Variants in ANO4 observed in about 807,000 individuals in gnomAD.
ANO4 encodes the protein anoctamin 4, also known as anoctamin-4.
A neutral mutation model predicts 141.9 loss-of-function variants in ANO4; 69 were observed. The observed-to-expected ratio is 0.49, with a 90% confidence interval of 0.40 to 0.59. The LOEUF (loss-of-function observed/expected upper bound fraction) is 0.59, where lower values mean the gene tolerates loss of function less well. Among genes scored for constraint, ANO4 ranks in the 20% least tolerant of loss-of-function variants. ANO4 has a pLI of 0.00. For synonymous variants in ANO4, 350 were observed against 394.3 expected, an observed-to-expected ratio of 0.89 and a Z score of 1.33; for missense variants, 894 against 1,162.2, an observed-to-expected ratio of 0.77 and a Z score of 3.36.
At chr12:100,778,038 G>C (rs2135571991) in intron 3 of ANO4, among the ~76,000 whole-genome samples, 1 of 151,302 alleles carries the variant, frequency 6.6e-6, no homozygotes, top group East Asian at 2.0e-4. Flanking sequence ...TCCTGCCTCA[G>C]CCTCCCGAGT....
intron 15 of ANO4, among the ~76,000 whole-genome samples, chr12:101,082,319 C>G (rs1031241786): frequency 2.6e-5 from 4 of 152,152 alleles, no homozygotes; most frequent in African/African-American, 9.7e-5. Context: ...TGAGGCCTCC[C>G]CAGCCATGTG....
intron 3 of ANO4, among the ~76,000 whole-genome samples, chr12:100,761,393 A>G (rs954251553): frequency 2.0e-5 from 3 of 152,214 alleles, no homozygotes; most frequent in African/African-American, 7.2e-5. Flanking sequence ...ATAACAAAAG[A>G]ATACAAAATG....
chr12:101,121,257 G>A (rs1255004944), intron 26 of ANO4, among the ~76,000 whole-genome samples: 1 of 151,168 alleles, frequency 6.6e-6, no homozygotes, highest in Non-Finnish European at 1.5e-5. Context: ...CCCAGTGTCT[G>A]TTGTTCTCAT....
intron 10 of ANO4, 110 bp from the exon 11 acceptor site, chr12:101,039,845 C>A: frequency 1.6e-6 from 2 of 1,234,656 alleles, no homozygotes; most frequent in Non-Finnish European, 1.1e-6. Context: ...TCATTTCTTT[C>A]TCATACCACT....
At chr12:100,936,333 A>G (rs76552110) in intron 3 of ANO4, among the ~76,000 whole-genome samples, 1 of 152,128 alleles carries the variant, frequency 6.6e-6, no homozygotes. Flanking sequence ...TGTAGGATGT[A>G]TAGCGGCATC....
chr12:100,935,264 C>G (rs1263140054), intron 3 of ANO4, among the ~76,000 whole-genome samples: 1 of 152,090 alleles, frequency 6.6e-6, no homozygotes, highest in African/African-American at 2.4e-5. Flanking sequence ...GAGATACATT[C>G]CATCAATACC....
chr12:100,796,892 T>C (rs972994969), intron 1 of ANO4, among the ~76,000 whole-genome samples: 30 of 152,328 alleles, frequency 2.0e-4, no homozygotes, highest in African/African-American at 6.3e-4. Flanking sequence ...GTAACTCAAC[T>C]GAGGATACTC....
intron 1 of ANO4, among the ~76,000 whole-genome samples, chr12:100,795,551 G>C (rs1446899271): frequency 6.6e-6 from 1 of 152,156 alleles, no homozygotes; most frequent in Non-Finnish European, 1.5e-5. Context: ...CCTATATCTT[G>C]TGGGGTTTAC....
intron 1 of ANO4, among the ~76,000 whole-genome samples, chr12:100,816,445 C>G (rs1194896577): frequency 6.6e-6 from 1 of 151,804 alleles, no homozygotes; most frequent in Non-Finnish European, 1.5e-5. Context: ...TACAAAGGCC[C>G]TGTGGTAGGA....
chr12:100,778,063 G>C (rs923029831), intron 3 of ANO4, among the ~76,000 whole-genome samples: 1 of 151,902 alleles, frequency 6.6e-6, no homozygotes, highest in Non-Finnish European at 1.5e-5. Context: ...GGGACTACAG[G>C]CACCCGCCAC....
intron 3 of ANO4, among the ~76,000 whole-genome samples, chr12:100,754,386 C>T (rs915982444): frequency 6.6e-6 from 1 of 152,130 alleles, no homozygotes; most frequent in Admixed American, 6.6e-5. Context: ...TCCTGGCTGG[C>T]CTTCCTATCT....
rs552989870 is a variant in ANO4, at chr12:100,826,609, A to G, written c.-141+31582A>G. Among the ~76,000 whole-genome samples the G allele has an allele frequency of 1.3e-4, 7 of 55,204 alleles. No individual in the cohort carries two copies. In the East Asian group the frequency reaches 3.7e-3, roughly 29 times the overall value. The allele number at this position is 55,204 out of a possible 152,430, so 36.2% of individuals were successfully genotyped here. A position where few individuals can be genotyped will look rare whatever the true frequency, so the allele number is the denominator to read the frequency against. Reference sequence around the variant, plus strand: ...GGATGGTTTCCTCCTCCCAACCGCAATGGCCCTGTTCCTTTATCTTACACT... The same window carrying G: ...GGATGGTTTCCTCCTCCCAACCGCAGTGGCCCTGTTCCTTTATCTTACACT... On this transcript the variant is annotated intron_variant, in intron 1 of 27. Coordinates refer to ENST00000392977, the MANE Select transcript of ANO4 (RefSeq NM_001286615.2).
chr12:101,127,565 GGCT>G (rs372607448), intron 27 of ANO4, among the ~76,000 whole-genome samples: 23 of 152,260 alleles, frequency 1.5e-4, no homozygotes, highest in African/African-American at 5.1e-4. Flanking sequence ...CACCACTACT[GGCT>G]GCTTTCTTCC....
chr12:100,836,465 A>G lies in ANO4; in HGVS notation c.-141+41438A>G, dbSNP rs575956131. Among the ~76,000 whole-genome samples the G allele has an allele frequency of 5.6e-4, 84 of 151,122 alleles. 1 individual carries two copies. Among genetic ancestry groups the G allele is most frequent in the African/African-American group, 1.9e-3 (79 of 41,260 alleles). ...CATTAACTCGTCATTTACATTAGGTATATCTCCTAATGCTATCCCTCCCCC... is the reference window on the plus strand; with the variant it reads ...CATTAACTCGTCATTTACATTAGGTGTATCTCCTAATGCTATCCCTCCCCC... On this transcript the variant is annotated intron_variant, in intron 1 of 27. Coordinates refer to ENST00000392977, the MANE Select transcript of ANO4 (RefSeq NM_001286615.2).
intron 2 of ANO4, among the ~76,000 whole-genome samples, chr12:100,918,372 A>G (rs1482947400): frequency 1.3e-5 from 2 of 152,220 alleles, no homozygotes; most frequent in Non-Finnish European, 2.9e-5. Flanking sequence ...AAAAAGATAA[A>G]GTATAAAACA....
intron 1 of ANO4, among the ~76,000 whole-genome samples, chr12:100,887,254 A>C (rs2039880548): frequency 6.6e-6 from 1 of 152,216 alleles, no homozygotes; most frequent in Non-Finnish European, 1.5e-5. Flanking sequence ...AAGCCATTTA[A>C]GCAGCTCACT....
chr12:101,115,303 G>A (rs764981434), intron 24 of ANO4, among the ~76,000 whole-genome samples: 2 of 152,044 alleles, frequency 1.3e-5, no homozygotes, highest in East Asian at 1.9e-4. Context: ...AAGAAGTTAC[G>A]TAAATCGGGT....
chr12:100,724,804 AAAG>A (rs1283188176), intron 1 of ANO4, among the ~76,000 whole-genome samples: 1 of 152,186 alleles, frequency 6.6e-6, no homozygotes, highest in Non-Finnish European at 1.5e-5. Context: ...AGCTAGGAGG[AAAG>A]AATAGGTCTT....
At chr12:100,998,517 T>A (rs945062634) in intron 8 of ANO4, among the ~76,000 whole-genome samples, 5 of 152,150 alleles carry the variant, frequency 3.3e-5, no homozygotes, top group Non-Finnish European at 1.5e-5. Flanking sequence ...AAAACTAAAT[T>A]TGAAAACTGA....
Sources: gnomAD v4.1 joint callset for allele counts (sites outside exome capture counted in the v4.1 genomes callset) on GRCh38, gnomAD v4.1.1 for gene constraint, MANE v1.5 for transcripts, NCBI Gene and HGNC (gene_info 2026-07-23, HGNC 2026-07-21) for gene names.